RAB38: variants seen among roughly 807,000 people sequenced by gnomAD.
RAB38 encodes RAB38, member RAS oncogene family.
In RAB38, 15 loss-of-function variants were observed where a neutral mutation model predicts 18.4. The observed-to-expected ratio is 0.82, with a 90% CI of 0.55 to 1.26. The LOEUF (loss-of-function observed/expected upper bound fraction) is 1.26. Among genes scored for constraint, RAB38 ranks in the 50% most tolerant of loss-of-function variants. The pLI is 0.00. For synonymous variants in RAB38, 101 were observed against 104.4 expected, an observed-to-expected ratio of 0.97 and a Z score of 0.20; for missense variants, 294 against 267.4, an observed-to-expected ratio of 1.10 and a Z score of -0.69.
chr11:87,911,483 T>C, the RAB38 span, among the ~76,000 whole-genome samples: 3 of 152,128 alleles, frequency 2.0e-5, no homozygotes, highest in African/African-American at 7.2e-5. Context: ...ATAAGACTTG[T>C]ACATCTTTTG....
the RAB38 span, among the ~76,000 whole-genome samples, chr11:88,039,343 A>C: frequency 6.6e-6 from 1 of 152,236 alleles, no homozygotes; most frequent in Admixed American, 6.5e-5. Flanking sequence ...ATTTAAAAAA[A>C]AACTTCAGCT....
chr11:88,030,419 A>G, the RAB38 span, among the ~76,000 whole-genome samples: 1 of 152,212 alleles, frequency 6.6e-6, no homozygotes, highest in Non-Finnish European at 1.5e-5. Flanking sequence ...AAAACTCTTC[A>G]AAAAATTATT....
At chr11:87,808,252 A>C in the RAB38 span, among the ~76,000 whole-genome samples, 145,031 of 152,272 alleles carry the variant, frequency 0.95, 69,109 homozygotes, top group East Asian at 1. Context: ...GAGATATCTA[A>C]GCTCCCATGT....
the RAB38 span, among the ~76,000 whole-genome samples, chr11:87,854,114 A>G: frequency 9.8e-5 from 12 of 122,552 alleles, no homozygotes; most frequent in South Asian, 6.3e-4. Flanking sequence ...ACCTTAATCA[A>G]TCACACCTGC....
At chr11:88,108,823 C>T (rs899551051), downstream of RAB38, among the ~76,000 whole-genome samples, 4 of 152,224 alleles carry the variant, frequency 2.6e-5, no homozygotes, top group Admixed American at 2.6e-4. Flanking sequence ...TCTTGTAAAG[C>T]AGGCGTGGTG....
At chr11:88,079,959 A>G in the RAB38 span, among the ~76,000 whole-genome samples, 1 of 151,764 alleles carries the variant, frequency 6.6e-6, no homozygotes, top group South Asian at 2.1e-4. Flanking sequence ...AACAAAGCAA[A>G]TACTTTTTCC....
the RAB38 span, among the ~76,000 whole-genome samples, chr11:87,810,932 G>A: frequency 6.6e-6 from 1 of 152,088 alleles, no homozygotes; most frequent in Non-Finnish European, 1.5e-5. Flanking sequence ...AGATTGAGGC[G>A]AGTTTCAGAC....
chr11:87,922,735 C>T, the RAB38 span, among the ~76,000 whole-genome samples: 1 of 151,184 alleles, frequency 6.6e-6, no homozygotes, highest in African/African-American at 2.4e-5. Context: ...TATACAGTGA[C>T]TGGAACATGT....
the RAB38 span, among the ~76,000 whole-genome samples, chr11:88,097,714 C>G: frequency 6.6e-6 from 1 of 151,816 alleles, no homozygotes; most frequent in African/African-American, 2.4e-5. Flanking sequence ...TGTACCTCCT[C>G]CAAGTATTAT....
chr11:87,878,971 AT>A, the RAB38 span, among the ~76,000 whole-genome samples: 14 of 133,762 alleles, frequency 1.0e-4, no homozygotes, highest in South Asian at 2.4e-4. Context: ...GCAATTACTG[AT>A]TTTTTTTTTT....
chr11:87,934,656 G>GCCTA, the RAB38 span, among the ~76,000 whole-genome samples: 2 of 152,026 alleles, frequency 1.3e-5, no homozygotes, highest in Non-Finnish European at 2.9e-5. Context: ...CATCTTCCAA[G>GCCTA]CCTACCACTT....
At chr11:87,908,191 G>A in the RAB38 span, among the ~76,000 whole-genome samples, 3 of 151,926 alleles carry the variant, frequency 2.0e-5, no homozygotes, top group African/African-American at 7.2e-5. Context: ...TCAACTGCAA[G>A]TGTGATTGGA....
At chr11:87,937,929 C>A in the RAB38 span, among the ~76,000 whole-genome samples, 1 of 135,566 alleles carries the variant, frequency 7.4e-6, no homozygotes, top group Admixed American at 7.6e-5. Context: ...GTAATTCTAA[C>A]ATTTCTGGAA....
chr11:88,031,837 T>G, the RAB38 span, among the ~76,000 whole-genome samples: 1 of 152,180 alleles, frequency 6.6e-6, no homozygotes, highest in Non-Finnish European at 1.5e-5. Flanking sequence ...ACCATTCCCA[T>G]GAAGCTACCA....
chr11:87,867,807 T>C, the RAB38 span, among the ~76,000 whole-genome samples: 1 of 151,698 alleles, frequency 6.6e-6, no homozygotes, highest in Non-Finnish European at 1.5e-5. Context: ...GTGAAATTTT[T>C]ACGTTTATAC....
chr11:87,823,789 C>G, the RAB38 span, among the ~76,000 whole-genome samples: 1 of 151,848 alleles, frequency 6.6e-6, no homozygotes, highest in Admixed American at 6.6e-5. Context: ...ATGATATGTT[C>G]ATACAATGGA....
the RAB38 span, among the ~76,000 whole-genome samples, chr11:87,974,830 C>A: frequency 1.8e-3 from 274 of 151,774 alleles, 8 homozygotes; most frequent in East Asian, 0.043. Context: ...TTTAAAAGCA[C>A]TCAGAGATAA....
intron 2 of RAB38, among the ~76,000 whole-genome samples, chr11:88,140,197 C>T (rs1410263765): frequency 6.6e-6 from 1 of 152,150 alleles, no homozygotes; most frequent in Non-Finnish European, 1.5e-5. Flanking sequence ...CTTCATTTTT[C>T]TTCTTTACTT....
At chr11:88,008,766 C>G in the RAB38 span, among the ~76,000 whole-genome samples, 1 of 152,216 alleles carries the variant, frequency 6.6e-6, no homozygotes, top group Non-Finnish European at 1.5e-5. Flanking sequence ...CTCCGCCTCG[C>G]GGATTCACGC....
Sources: allele counts gnomAD v4.1 joint callset (sites outside exome capture counted in the v4.1 genomes callset), GRCh38; gene constraint gnomAD v4.1.1; transcripts MANE v1.5; gene names NCBI Gene and HGNC (gene_info 2026-07-23, HGNC 2026-07-21).